AUTS2: variants seen among roughly 807,000 people sequenced by gnomAD.
AUTS2 encodes the protein activator of transcription and developmental regulator AUTS2, also known as autism susceptibility gene 2 protein.
In AUTS2, 17 loss-of-function variants were observed where a neutral mutation model predicts 112.4. The observed-to-expected ratio is 0.15, with a 90% CI of 0.10 to 0.23. The LOEUF is 0.23. Ranked by LOEUF, AUTS2 falls within the 10% of genes least tolerant of loss-of-function variation. AUTS2 has a pLI of 1.00. For missense variants in AUTS2, 1,510 were observed against 1,701.6 expected (o/e 0.89, Z 1.98); for synonymous variants, 751 against 702.7 (o/e 1.07, Z -1.09).
At chr7:69,635,310 A>G (rs1160324553) in intron 1 of AUTS2, among the ~76,000 whole-genome samples, 3 of 152,252 alleles carry the variant, frequency 2.0e-5, no homozygotes, top group African/African-American at 7.2e-5. Flanking sequence ...TACCTACCAT[A>G]GGGCTCACTC....
At chr7:70,155,818 T>C (rs1227540221) in intron 4 of AUTS2, among the ~76,000 whole-genome samples, 3 of 151,998 alleles carry the variant, frequency 2.0e-5, no homozygotes, top group Non-Finnish European at 4.4e-5. Flanking sequence ...CCACTATACC[T>C]CTTTGGAGGT....
chr7:70,156,412 AG>A (rs914293550), intron 4 of AUTS2, among the ~76,000 whole-genome samples: 4 of 152,146 alleles, frequency 2.6e-5, no homozygotes, highest in African/African-American at 7.2e-5. Context: ...CTCAAATATG[AG>A]GACAAAATTG....
chr7:70,635,627 A>C (rs927397146), intron 5 of AUTS2, among the ~76,000 whole-genome samples: 14 of 152,262 alleles, frequency 9.2e-5, no homozygotes, highest in African/African-American at 3.1e-4. Flanking sequence ...TGGCAGTGGG[A>C]AGGAGAGAGG....
Position 70,525,725 on chromosome 7 carries a change from G to T in AUTS2, c.690+89944G>T, listed in dbSNP as rs73450530. Among the ~76,000 whole-genome samples, 1,299 of 152,332 alleles carry T rather than the reference G, an allele frequency of 8.5e-3. 20 individuals carry two copies. Among genetic ancestry groups the T allele is most frequent in the African/African-American group, 0.03 (1,234 of 41,566 alleles). Reference sequence around the variant, plus strand: ...TGAGCATTGGAAAAGGGATGGAAAAGTCTTCCCTATGAGGAAAGGAGCCCA... The same window carrying T: ...TGAGCATTGGAAAAGGGATGGAAAATTCTTCCCTATGAGGAAAGGAGCCCA... On this transcript the variant is annotated intron_variant, in intron 5 of 18. Coordinates refer to ENST00000342771, the MANE Select transcript of AUTS2 (RefSeq NM_015570.4).
intron 2 of AUTS2, among the ~76,000 whole-genome samples, chr7:69,949,454 C>G (rs1197078716): frequency 5.9e-5 from 9 of 152,306 alleles, no homozygotes. Flanking sequence ...TTAGAAAAAG[C>G]TAACACCACT....
chr7:70,770,861 C>T (rs1436529538), intron 10 of AUTS2, among the ~76,000 whole-genome samples: 1 of 152,148 alleles, frequency 6.6e-6, no homozygotes, highest in Non-Finnish European at 1.5e-5. Flanking sequence ...ATTCCAGACT[C>T]GGGTTATTTC....
At chr7:69,966,203 G>A (rs964945605) in intron 2 of AUTS2, among the ~76,000 whole-genome samples, 1 of 152,190 alleles carries the variant, frequency 6.6e-6, no homozygotes, top group African/African-American at 2.4e-5. Context: ...TGCCTCCAGT[G>A]AAGGATTTGT....
At chr7:70,332,750 C>G (rs1049654502) in intron 4 of AUTS2, among the ~76,000 whole-genome samples, 1 of 151,984 alleles carries the variant, frequency 6.6e-6, no homozygotes, top group Admixed American at 6.6e-5. Context: ...TTGGGAAGAC[C>G]TGCTAGCCAT....
intron 1 of AUTS2, among the ~76,000 whole-genome samples, chr7:69,735,838 A>C (rs758697115): frequency 6.6e-6 from 1 of 152,214 alleles, no homozygotes; most frequent in African/African-American, 2.4e-5. Context: ...GCTTAGTGAA[A>C]TGTCTGTCAA....
chr7:70,778,297 A>G lies in AUTS2; in HGVS notation c.2004+1123A>G, dbSNP rs948653100. ...AAAAATGGGAGCAAACAAGCAATCAAGTAACTCCAATAAGCTTCACTTAAT... is the reference window on the plus strand; with the variant it reads ...AAAAATGGGAGCAAACAAGCAATCAGGTAACTCCAATAAGCTTCACTTAAT... On this transcript the variant is annotated intron_variant, in intron 14 of 18. Coordinates refer to ENST00000342771, the MANE Select transcript of AUTS2 (RefSeq NM_015570.4). 8.5e-5 allele frequency among the ~76,000 whole-genome samples: 13 copies of G among 152,214 alleles called. 1 individual carries two copies. In the South Asian group the frequency reaches 1.0e-3, roughly 12 times the overall value.
chr7:70,766,488 C>T lies in AUTS2; in HGVS notation c.1689+154C>T. 1.0e-6 allele frequency: 1 copy of T among 975,658 alleles called. No individual in the cohort carries two copies. Among genetic ancestry groups the T allele is most frequent in the Non-Finnish European group, 1.5e-6 (1 of 651,642 alleles). 60.4% of individuals were successfully genotyped at this position (975,658 alleles called of 1,614,324 possible). On this transcript the variant is annotated intron_variant, in intron 9 of 18. Transcript: ENST00000342771. The surrounding 1 kb of genome is among the most constrained non-coding windows in gnomAD (Gnocchi z 4.8). ...GAAGGGAATGTGTCCTAGTGCCCTG[C>T]CTCAGGCAGCTCTGACTTCAGGGGC...
At chr7:70,253,437 G>C (rs146569579) in intron 4 of AUTS2, among the ~76,000 whole-genome samples, 14 of 152,000 alleles carry the variant, frequency 9.2e-5, no homozygotes, top group African/African-American at 3.1e-4. Flanking sequence ...GTATCTGATT[G>C]TTGTTATCTG....
chr7:69,921,357 G>A (rs576642617), intron 2 of AUTS2, among the ~76,000 whole-genome samples: 1,137 of 109,724 alleles, frequency 0.01, 23 homozygotes, highest in Middle Eastern at 0.088. Context: ...TTTTTTAACC[G>A]TAATAACTAG....
At chr7:69,802,966 G>C (rs1278817640) in intron 1 of AUTS2, among the ~76,000 whole-genome samples, 1 of 152,134 alleles carries the variant, frequency 6.6e-6, no homozygotes, top group Non-Finnish European at 1.5e-5. Flanking sequence ...TAAGTTAATT[G>C]CTGTTTCAAA....
intron 4 of AUTS2, among the ~76,000 whole-genome samples, chr7:70,178,766 T>C (rs1004397879): frequency 6.6e-6 from 1 of 151,894 alleles, no homozygotes; most frequent in Non-Finnish European, 1.5e-5. Flanking sequence ...TGCTGCTCAC[T>C]CCAACCTGGG....
chr7:70,181,981 G>A (rs1033255999), intron 4 of AUTS2, among the ~76,000 whole-genome samples: 4 of 149,318 alleles, frequency 2.7e-5, no homozygotes, highest in Admixed American at 1.3e-4. Context: ...TGTATTTTTA[G>A]TAGAGACGGT....
intron 6 of AUTS2, among the ~76,000 whole-genome samples, chr7:70,746,675 A>C (rs1474332925): frequency 1.3e-5 from 2 of 151,960 alleles, no homozygotes; most frequent in East Asian, 1.9e-4. Context: ...GAAAGGGGAG[A>C]GCGCAGGATC....
chr7:70,319,513 GT>G (rs1352188974), intron 4 of AUTS2, among the ~76,000 whole-genome samples: 2 of 152,182 alleles, frequency 1.3e-5, no homozygotes, highest in Non-Finnish European at 2.9e-5. Context: ...GATTACTGTA[GT>G]GAGACAGGGA....
intron 4 of AUTS2, among the ~76,000 whole-genome samples, chr7:70,418,705 G>C (rs1164740743): frequency 6.6e-6 from 1 of 152,060 alleles, no homozygotes; most frequent in Non-Finnish European, 1.5e-5. Flanking sequence ...ACATGCCGTT[G>C]TGCATGTGTA....
Sources: allele counts gnomAD v4.1 joint callset (sites outside exome capture counted in the v4.1 genomes callset), GRCh38; gene constraint gnomAD v4.1.1; non-coding constraint Gnocchi (gnomAD v3.1); transcripts MANE v1.5; gene names NCBI Gene and HGNC (gene_info 2026-07-23, HGNC 2026-07-21).